Variants in OR3A2 observed in about 807,000 individuals in gnomAD.
OR3A2 encodes olfactory receptor 3A2.
For missense variants in OR3A2, 318 were observed against 392.8 expected, an observed-to-expected ratio of 0.81 and a Z score of 1.61; for synonymous variants, 126 against 159.3, an observed-to-expected ratio of 0.79 and a Z score of 1.57.
chr17:3,359,041 T>C (rs1311462287), intron 2 of OR3A2, among the ~76,000 whole-genome samples: 1 of 151,822 alleles, frequency 6.6e-6, no homozygotes, highest in Admixed American at 6.5e-5. Flanking sequence ...AGTGTCCTTC[T>C]TTGTCTTTTT....
At chr17:3,278,613 G>A in exon 2 of OR3A2, 1 of 1,591,204 alleles carries the variant, frequency 6.3e-7, no homozygotes, top group Non-Finnish European at 8.6e-7. Flanking sequence ...GAAGAGCTGG[G>A]AGAGGCAGGC....
chr17:3,334,822 G>A (rs963807345), intron 3 of OR3A2, among the ~76,000 whole-genome samples: 49 of 152,110 alleles, frequency 3.2e-4, no homozygotes, highest in Non-Finnish European at 4.7e-4. Flanking sequence ...TAGAGTTTCT[G>A]CCTTTTTAAT....
chr17:3,355,849 T>C (rs1051959945), intron 2 of OR3A2, among the ~76,000 whole-genome samples: 1 of 151,390 alleles, frequency 6.6e-6, no homozygotes, highest in Non-Finnish European at 1.5e-5. Flanking sequence ...TCCTGCCTTT[T>C]TGTTATTTGT....
chr17:3,350,942 A>T (rs2049414930), intron 2 of OR3A2, among the ~76,000 whole-genome samples: 1 of 151,672 alleles, frequency 6.6e-6, no homozygotes, highest in Non-Finnish European at 1.5e-5. Flanking sequence ...CCACATGATT[A>T]TCTCAATAGA....
intron 2 of OR3A2, among the ~76,000 whole-genome samples, chr17:3,375,767 A>C (rs1472166727): frequency 2.6e-5 from 4 of 152,176 alleles, no homozygotes; most frequent in African/African-American, 9.7e-5. Context: ...GCTGCTCTTC[A>C]GGTTCTTTTG....
At chr17:3,298,344 G>T (rs1597325626) in intron 3 of OR3A2, 1 of 152,150 alleles carries the variant, frequency 6.6e-6, no homozygotes, top group East Asian at 1.9e-4. Flanking sequence ...AGTGATCCTG[G>T]ATCCCTGCTC....
At chr17:3,333,660 C>T (rs553054684) in intron 3 of OR3A2, among the ~76,000 whole-genome samples, 1 of 152,114 alleles carries the variant, frequency 6.6e-6, no homozygotes, top group Non-Finnish European at 1.5e-5. Flanking sequence ...ATAGAAAGAA[C>T]CTGCATTGAA....
At chr17:3,332,628 A>G (rs1340798515) in intron 3 of OR3A2, among the ~76,000 whole-genome samples, 1 of 152,122 alleles carries the variant, frequency 6.6e-6, no homozygotes, top group Non-Finnish European at 1.5e-5. Context: ...TGAACCTGGT[A>G]CCTCAGATGG....
exon 2 of OR3A2, chr17:3,277,769 C>T: frequency 1.7e-6 from 1 of 577,106 alleles, no homozygotes; most frequent in Non-Finnish European, 3.0e-6. Flanking sequence ...GAAGACTGTC[C>T]AGATCATAGA....
At chr17:3,336,094 C>T (rs1010834253) in exon 3 of OR3A2, 1 of 152,316 alleles carries the variant, frequency 6.6e-6, no homozygotes, top group Non-Finnish European at 1.5e-5. Context: ...CTTGCCAACG[C>T]TGCCTATCTT....
chr17:3,289,632 C>CTA (rs1406776418), intron 3 of OR3A2, among the ~76,000 whole-genome samples: 1 of 152,198 alleles, frequency 6.6e-6, no homozygotes, highest in Non-Finnish European at 1.5e-5. Flanking sequence ...TACAGTCTTT[C>CTA]TATTCATTCA....
At chr17:3,361,695 T>C (rs1243509623) in intron 2 of OR3A2, among the ~76,000 whole-genome samples, 1 of 151,810 alleles carries the variant, frequency 6.6e-6, no homozygotes, top group East Asian at 1.9e-4. Context: ...TGTTTTTTGT[T>C]CTGTTTATAT....
At chr17:3,319,579 T>A (rs554617195) in intron 3 of OR3A2, among the ~76,000 whole-genome samples, 1 of 152,070 alleles carries the variant, frequency 6.6e-6, no homozygotes, top group Non-Finnish European at 1.5e-5. Context: ...TCCGGGTCCA[T>A]GTGTTCTCAC....
chr17:3,382,848 C>T (rs1475522141), intron 2 of OR3A2, among the ~76,000 whole-genome samples: 1 of 152,188 alleles, frequency 6.6e-6, no homozygotes, highest in Non-Finnish European at 1.5e-5. Context: ...TTTGTTCATG[C>T]AGTTAGTGTA....
chr17:3,301,870 A>C (rs1475740543), intron 3 of OR3A2, among the ~76,000 whole-genome samples: 1 of 152,134 alleles, frequency 6.6e-6, no homozygotes, highest in African/African-American at 2.4e-5. Context: ...TTTTTGTATA[A>C]GGTGTAACGA....
chr17:3,341,276 A>C (rs1268797409), intron 2 of OR3A2, among the ~76,000 whole-genome samples: 2 of 151,742 alleles, frequency 1.3e-5, no homozygotes, highest in Admixed American at 6.6e-5. Context: ...ATTTAAGGTT[A>C]ATGTTATGTG....
rs1245557616 is a variant in OR3A2, at chr17:3,292,397, C to T, written c.-84-13244G>A. 3.7e-6 allele frequency: 6 copies of T among 1,614,044 alleles called. No individual in the cohort carries two copies. In the East Asian group the frequency reaches 6.7e-5, roughly 18 times the overall value. ...CTGATAGGTTCCCCAGGAAGAAGTA[C>T]ATGGGGGTGTGGAGTTTGGGCTCCA... On this transcript the variant is annotated intron_variant, in intron 3 of 4. Transcript: ENST00000573491.
At chr17:3,313,187 T>G (rs1269859685) in intron 3 of OR3A2, among the ~76,000 whole-genome samples, 1 of 152,186 alleles carries the variant, frequency 6.6e-6, no homozygotes, top group African/African-American at 2.4e-5. Context: ...ATTCTGTAAA[T>G]CCTTCAGGCA....
intron 2 of OR3A2, among the ~76,000 whole-genome samples, 163 bp from the exon 2 acceptor site, chr17:3,336,289 A>G (rs1041403077): frequency 3.3e-5 from 5 of 152,238 alleles, no homozygotes; most frequent in Admixed American, 3.3e-4. Context: ...CTAAATTTTA[A>G]ACATTTTAAT....
Sources: gnomAD v4.1 joint callset for allele counts (sites outside exome capture counted in the v4.1 genomes callset) on GRCh38, gnomAD v4.1.1 for gene constraint, MANE v1.5 for transcripts, NCBI Gene and HGNC (gene_info 2026-07-23, HGNC 2026-07-21) for gene names.